The following ADGRA2 variants were observed in gnomAD, a reference collection of about 807,000 sequenced individuals.
The protein encoded by ADGRA2 is G-protein coupled receptor 124.
ADGRA2 carries 61 observed loss-of-function variants against 98.7 expected under a neutral mutation model. The ratio of observed to expected loss-of-function variants is 0.62; its 90% CI spans 0.50 to 0.76. The LOEUF (loss-of-function observed/expected upper bound fraction) is 0.76. Among genes scored for constraint, ADGRA2 ranks in the 30% least tolerant of loss-of-function variants. ADGRA2 has a pLI of 0.00. For synonymous variants in ADGRA2, 858 were observed against 831.5 expected, an observed-to-expected ratio of 1.03 and a Z score of -0.55; for missense variants, 1,712 against 1,860.0, an observed-to-expected ratio of 0.92 and a Z score of 1.46.
chr8:37,833,446 C>T (rs1232386250), intron 9 of ADGRA2, among the ~76,000 whole-genome samples: 2 of 152,212 alleles, frequency 1.3e-5, no homozygotes, highest in East Asian at 3.9e-4. Flanking sequence ...ACCTCACGCC[C>T]CTTTACTCAC....
intron 1 of ADGRA2, among the ~76,000 whole-genome samples, chr8:37,805,513 GA>G (rs1804632966): frequency 6.6e-6 from 1 of 151,982 alleles, no homozygotes; most frequent in South Asian, 2.1e-4. Flanking sequence ...GAGGCAGGGG[GA>G]TCACTTGAGG....
chr8:37,824,250 C>T (rs865777596), intron 2 of ADGRA2, among the ~76,000 whole-genome samples: 1 of 151,992 alleles, frequency 6.6e-6, no homozygotes, highest in Middle Eastern at 3.4e-3. Context: ...AGGCTGGTCT[C>T]GAACTCCTGA....
chr8:37,820,175 T>G (rs939355814), intron 2 of ADGRA2, among the ~76,000 whole-genome samples: 9 of 152,138 alleles, frequency 5.9e-5, no homozygotes, highest in Non-Finnish European at 1.3e-4. Flanking sequence ...TACAGGAGCA[T>G]CTCCTTCACA....
Position 37,844,364 on chromosome 8 carries a change from G to T in ADGRA2, c.*2009G>T. On this transcript the variant is annotated 3_prime_UTR_variant, in exon 19 of 19. Transcript: ENST00000412232. ...GACCCAGGGTCCAACTAATGGCAGA[G>T]CCCCTCTTGGTTCCTTCAAACAAGA... 2 of 1,277,002 alleles carry T rather than the reference G, an allele frequency of 1.6e-6. No individual in the cohort carries two copies. Among genetic ancestry groups the T allele is most frequent in the Non-Finnish European group, 2.2e-6 (2 of 915,878 alleles). The allele number at this position is 1,277,002 out of a possible 1,614,324, so 79.1% of individuals were successfully genotyped here. A position where few individuals can be genotyped will look rare whatever the true frequency, so the allele number is the denominator to read the frequency against.
At chr8:37,804,320 TC>T (rs201170726) in intron 1 of ADGRA2, among the ~76,000 whole-genome samples, 2,537 of 152,176 alleles carry the variant, frequency 0.017, 44 homozygotes, top group Non-Finnish European at 0.028. Context: ...CTGTGAAGCT[TC>T]TCAGACCTCT....
chr8:37,833,974 A>T lies in ADGRA2; in HGVS notation c.1454A>T (p.Glu485Val), dbSNP rs1302160671. ...GYVDQIKELV[E>V]VMVDMASNLM... ...ACTTCCCTGTCCCCCCAGCTGGTAG[A>T]GGTGATGGTGGACATGGCCAGCAAC... The change falls in exon 11 of 19, where the codon GAG (glutamate) becomes GTG (valine). Residue 485 changes from glutamate (E) to valine (V), a missense_variant. Coordinates refer to ENST00000412232, the MANE Select transcript of ADGRA2 (RefSeq NM_032777.10). 6.2e-7 allele frequency: 1 copy of T among 1,612,250 alleles called. No individual in the cohort carries two copies. The highest frequency in any genetic ancestry group is 2.2e-5 in the East Asian group (1 of 44,848).
chr8:37,829,801 A>G (rs1805399679), intron 5 of ADGRA2, 50 bp from the exon 6 acceptor site: 1 of 1,564,124 alleles, frequency 6.4e-7, no homozygotes, highest in Non-Finnish European at 8.7e-7. Flanking sequence ...GCCACCCATG[A>G]GCCCACACTC....
chr8:37,825,600 A>G (rs1805256156), intron 2 of ADGRA2, among the ~76,000 whole-genome samples: 1 of 151,976 alleles, frequency 6.6e-6, no homozygotes, highest in Non-Finnish European at 1.5e-5. Flanking sequence ...ATGCATAGTG[A>G]TGGGTGTAGT....
At position 37,830,582 on chromosome 8, in the gene ADGRA2, C is replaced by A. The variant is rs1249728114; in HGVS notation, c.719-128C>A. ...GACTTTCTCTTGACCCCTTTTCCTTCCCAGCTGGAGCAGGCTGCAGGCCGA... is the reference window on the plus strand; with the variant it reads ...GACTTTCTCTTGACCCCTTTTCCTTACCAGCTGGAGCAGGCTGCAGGCCGA... On this transcript the variant is annotated intron_variant, in intron 6 of 18. Coordinates refer to ENST00000412232, the MANE Select transcript of ADGRA2 (RefSeq NM_032777.10). The surrounding 1 kb of genome is among the most constrained non-coding windows in gnomAD (Gnocchi z 4.8). 1 of 660,630 alleles carries A rather than the reference C, an allele frequency of 1.5e-6. No individual in the cohort carries two copies. Among genetic ancestry groups the A allele is most frequent in the Non-Finnish European group, 2.6e-6 (1 of 379,684 alleles). 40.9% of individuals were successfully genotyped at this position (660,630 alleles called of 1,614,324 possible).
Position 37,818,405 on chromosome 8 carries a change from C to T in ADGRA2, c.338+3438C>T, listed in dbSNP as rs375459256. On this transcript the variant is annotated intron_variant, in intron 2 of 18. Transcript: ENST00000412232. ...CATTTTTCTGATGAAGATGAAAAGA[C>T]GGCCTGTCCTTCTCCAGCACCAAGG... Among the ~76,000 whole-genome samples, 58 of 152,350 alleles carry T rather than the reference C, an allele frequency of 3.8e-4. 1 individual carries two copies. The highest frequency in any genetic ancestry group is 1.3e-3 in the African/African-American group (52 of 41,588).
chr8:37,830,700 C>T lies in ADGRA2; in HGVS notation c.719-10C>T. 6.7e-7 allele frequency: 1 copy of T among 1,483,658 alleles called. No homozygotes were observed. The highest frequency in any genetic ancestry group is 9.1e-7 in the Non-Finnish European group (1 of 1,101,012). The allele number at this position is 1,483,658 out of a possible 1,614,324, so 91.9% of individuals were successfully genotyped here. A position where few individuals can be genotyped will look rare whatever the true frequency, so the allele number is the denominator to read the frequency against. On this transcript the variant is annotated splice_polypyrimidine_tract_variant and intron_variant, in intron 6 of 18. Coordinates refer to ENST00000412232, the MANE Select transcript of ADGRA2 (RefSeq NM_032777.10). This position sits in a 1 kb window ranked among gnomAD's most constrained non-coding sequence, Gnocchi z 4.8. ...CACTCGGGCCTCACGCCTGGTGTCT[C>T]CTCCCACAGAGGGGGCCCTGGAGCT...
chr8:37,800,307 G>A (rs1421082472), intron 1 of ADGRA2, among the ~76,000 whole-genome samples: 2 of 152,196 alleles, frequency 1.3e-5, no homozygotes, highest in Non-Finnish European at 2.9e-5. Context: ...ATGGGACTCC[G>A]GAGAAGGTGA....
At chr8:37,810,841 G>A (rs915941628) in intron 1 of ADGRA2, among the ~76,000 whole-genome samples, 14 of 151,988 alleles carry the variant, frequency 9.2e-5, no homozygotes, top group South Asian at 4.1e-4. Context: ...GGCTGGGCGC[G>A]GTGGCCGTAT....
At chr8:37,813,595 T>C (rs1804900906) in intron 1 of ADGRA2, among the ~76,000 whole-genome samples, 2 of 152,130 alleles carry the variant, frequency 1.3e-5, no homozygotes, top group East Asian at 3.9e-4. Flanking sequence ...ATGTCACCAC[T>C]GGGGGGACCA....
At chr8:37,800,395 C>G (rs79138506) in intron 1 of ADGRA2, among the ~76,000 whole-genome samples, 34 of 152,270 alleles carry the variant, frequency 2.2e-4, no homozygotes, top group African/African-American at 7.9e-4. Flanking sequence ...CAGAGCTCTC[C>G]GAGTAGATGA....
intron 2 of ADGRA2, among the ~76,000 whole-genome samples, chr8:37,823,535 T>G (rs1805185563): frequency 6.6e-6 from 1 of 152,230 alleles, no homozygotes; most frequent in Admixed American, 6.5e-5. Context: ...ACAATGCTGC[T>G]GTGAACATTC....
intron 1 of ADGRA2, among the ~76,000 whole-genome samples, chr8:37,806,520 CTTTTTCTTTTTTT>C (rs1804668040): frequency 1.2e-5 from 1 of 85,498 alleles, no homozygotes; most frequent in East Asian, 2.6e-4. Flanking sequence ...TTTCTTTTTT[CTTTTTCTTTTTTT>C]TTTTTTTTTG....
chr8:37,823,813 T>A (rs1294166808), intron 2 of ADGRA2, among the ~76,000 whole-genome samples: 2 of 152,214 alleles, frequency 1.3e-5, no homozygotes, highest in South Asian at 2.1e-4. Flanking sequence ...ATGTTGAGCA[T>A]CTTTGTATGG....
rs1554526532 is a variant in ADGRA2, at chr8:37,836,097, A to ACC, written c.2050+330_2050+331dup. On this transcript the variant is annotated intron_variant, in intron 13 of 18. Coordinates refer to ENST00000412232, the MANE Select transcript of ADGRA2 (RefSeq NM_032777.10). Reference sequence around the variant, plus strand: ...CACACACACACACACACACACACACACCCCACAGGCCCAATGCAGACAAGT... The same window carrying ACC: ...CACACACACACACACACACACACACACCCCCCACAGGCCCAATGCAGACAAGT... Among the ~76,000 whole-genome samples the ACC allele has an allele frequency of 2.7e-3, 293 of 108,730 alleles. 3 individuals carry two copies. The highest frequency in any genetic ancestry group is 6.6e-3 in the African/African-American group (179 of 27,126). 71.3% of individuals were successfully genotyped at this position (108,730 alleles called of 152,430 possible). A position where few individuals can be genotyped will look rare whatever the true frequency, so the allele number is the denominator to read the frequency against.
Sources: gnomAD v4.1 joint callset for allele counts (sites outside exome capture counted in the v4.1 genomes callset) on GRCh38, gnomAD v4.1.1 for gene constraint, Gnocchi (gnomAD v3.1) non-coding constraint, MANE v1.5 for transcripts, NCBI Gene and HGNC (gene_info 2026-07-23, HGNC 2026-07-21) for gene names.